The following GALNT2 variants were observed in gnomAD, a reference collection of about 807,000 sequenced individuals.
GALNT2 encodes the protein polypeptide N-acetylgalactosaminyltransferase 2.
In GALNT2, 31 loss-of-function variants were observed where a neutral mutation model predicts 81.4. That is an observed-to-expected ratio of 0.38 (90% confidence interval 0.29 to 0.51). The LOEUF (loss-of-function observed/expected upper bound fraction) is 0.51, where lower values mean the gene tolerates loss of function less well. GALNT2 is among the 20% of genes least tolerant of loss of function. GALNT2 has a pLI of 0.87. For missense variants in GALNT2, 629 were observed against 765.7 expected (o/e 0.82, Z 2.11); for synonymous variants, 303 against 287.4 (o/e 1.05, Z -0.55).
chr1:230,196,323 T>A (rs1264560813), intron 2 of GALNT2, among the ~76,000 whole-genome samples: 1 of 152,198 alleles, frequency 6.6e-6, no homozygotes, highest in East Asian at 1.9e-4. Flanking sequence ...TTGGCTTGGT[T>A]ATGGAGCTAT....
intron 2 of GALNT2, among the ~76,000 whole-genome samples, chr1:230,186,308 G>C (rs1389644723): frequency 2.0e-5 from 3 of 152,152 alleles, no homozygotes; most frequent in African/African-American, 7.2e-5. Context: ...ATGCAGGTAT[G>C]TCACTGTCTC....
At chr1:230,185,299 TGTGCGCGC>T (rs1663296031) in intron 2 of GALNT2, among the ~76,000 whole-genome samples, 2 of 116,450 alleles carry the variant, frequency 1.7e-5, no homozygotes, top group East Asian at 2.2e-4. Context: ...TGTGTGTGTG[TGTGCGCGC>T]GTGTGTGTGT....
chr1:230,146,369 G>GT (rs1386598164), intron 1 of GALNT2, among the ~76,000 whole-genome samples: 2 of 152,114 alleles, frequency 1.3e-5, no homozygotes, highest in Non-Finnish European at 2.9e-5. Context: ...TTTCAGTTTT[G>GT]TTTTTTTGTT....
At chr1:230,112,033 G>C (rs1660719504) in intron 1 of GALNT2, among the ~76,000 whole-genome samples, 1 of 152,192 alleles carries the variant, frequency 6.6e-6, no homozygotes, top group Non-Finnish European at 1.5e-5. Context: ...GACATGGTGG[G>C]GAGGTGTCTC....
chr1:230,065,309 G>C (rs568671085), upstream of GALNT2, among the ~76,000 whole-genome samples: 1 of 152,074 alleles, frequency 6.6e-6, no homozygotes, highest in African/African-American at 2.4e-5. Context: ...CTTTGTTTCT[G>C]GGATAGTTTT....
chr1:230,062,414 T>A (rs916597296), upstream of GALNT2, among the ~76,000 whole-genome samples: 2 of 152,218 alleles, frequency 1.3e-5, no homozygotes, highest in Non-Finnish European at 1.5e-5. Context: ...ATTTTAAGTG[T>A]ATAATTCTGT....
chr1:230,242,185 T>C (rs1665223204), intron 6 of GALNT2, among the ~76,000 whole-genome samples: 1 of 152,210 alleles, frequency 6.6e-6, no homozygotes. Flanking sequence ...TATTTTCTTA[T>C]TTTAAGGGGT....
intron 1 of GALNT2, among the ~76,000 whole-genome samples, chr1:230,084,677 A>G (rs1332156736): frequency 6.6e-6 from 1 of 152,088 alleles, no homozygotes; most frequent in Admixed American, 6.5e-5. Context: ...GGTTCAAGGC[A>G]TCCCTGGCCC....
chr1:230,148,921 C>T (rs573991538), intron 1 of GALNT2, among the ~76,000 whole-genome samples: 8 of 151,862 alleles, frequency 5.3e-5, no homozygotes, highest in South Asian at 4.2e-4. Context: ...AACAGGGCCT[C>T]GCCCTGTCAC....
chr1:230,189,027 CA>C lies in GALNT2; in HGVS notation c.220+10717del, dbSNP rs201966565. Among the ~76,000 whole-genome samples the C allele has an allele frequency of 4.4e-3, 663 of 152,188 alleles. 14 individuals are homozygous for C. The highest frequency in any genetic ancestry group is 0.038 in the Admixed American group (575 of 15,288). On this transcript the variant is annotated intron_variant, in intron 2 of 15. Transcript: ENST00000366672. ...TAGAGGAGTGGGGCCGGAAGAGGAG[CA>C]GGGGCAGCTGTAGGGGCTAGAAGGC... is the stretch of plus-strand genomic sequence containing the variant.
intron 14 of GALNT2, among the ~76,000 whole-genome samples, chr1:230,269,135 ATTTTTTTTTTCTT>A (rs997887180): frequency 7.9e-6 from 1 of 125,986 alleles, no homozygotes; most frequent in Non-Finnish European, 1.7e-5. Context: ...GCTCAGAGAA[ATTTTTTTTTTCTT>A]TTTTTTTTTT....
intron 1 of GALNT2, among the ~76,000 whole-genome samples, chr1:230,151,224 G>A (rs184665865): frequency 1.0e-3 from 155 of 152,242 alleles, no homozygotes; most frequent in African/African-American, 3.5e-3. Flanking sequence ...CTGGACCTCC[G>A]GGATGTCCTC....
At position 230,221,545 on chromosome 1, in the gene GALNT2, G is replaced by A. The variant is rs150355660; in HGVS notation, c.375-14469G>A. Among the ~76,000 whole-genome samples the A allele has an allele frequency of 1.2e-4, 18 of 152,092 alleles. No individual in the cohort carries two copies. In the East Asian group the frequency reaches 1.9e-3, roughly 16 times the overall value. The stretch of plus-strand genomic sequence containing the variant: ...CTGCCTTCTTTTCCTCCTCTCTCCC[G>A]TCTTCCTTCCTTCATCTAGCTTTGG... On this transcript the variant is annotated intron_variant, in intron 3 of 15. Transcript: ENST00000366672.
rs527969137 is a variant in GALNT2 at position 230,093,023 on chromosome 1, T to C, written c.126+25617T>C. On this transcript the variant is annotated intron_variant, in intron 1 of 15. Transcript: ENST00000366672. ...CTGCGTGGCAGGTATGTTACCCCCA[T>C]CTATAGGTCAAGAACCTGAAACCCA... 2.6e-5 allele frequency among the ~76,000 whole-genome samples: 4 copies of C among 152,246 alleles called. No homozygotes were observed. The South Asian group carries it at 8.3e-4, about 32-fold the overall frequency.
chr1:230,247,947 G>C (rs1665425044), intron 8 of GALNT2, among the ~76,000 whole-genome samples: 1 of 152,190 alleles, frequency 6.6e-6, no homozygotes, highest in Non-Finnish European at 1.5e-5. Context: ...AAACAGCCAG[G>C]ACATTGTTTT....
chr1:230,083,994 G>A (rs761654918), intron 1 of GALNT2, among the ~76,000 whole-genome samples: 9 of 152,218 alleles, frequency 5.9e-5, no homozygotes, highest in Non-Finnish European at 1.2e-4. Flanking sequence ...GGATGTTGGC[G>A]TACATGCCTG....
At chr1:230,060,752 CAA>C (rs761498367) in intron 1 of GALNT2, among the ~76,000 whole-genome samples, 20 of 152,178 alleles carry the variant, frequency 1.3e-4, no homozygotes, top group Non-Finnish European at 1.5e-4. Flanking sequence ...GCATTCTACT[CAA>C]AGAGTTCTCC....
chr1:230,094,298 A>G (rs1381260805), intron 1 of GALNT2, among the ~76,000 whole-genome samples: 1 of 148,086 alleles, frequency 6.8e-6, no homozygotes, highest in Non-Finnish European at 1.5e-5. Flanking sequence ...GGCATGAGCC[A>G]CCATGCCTGG....
At chr1:230,148,309 G>A (rs1363166506) in intron 1 of GALNT2, among the ~76,000 whole-genome samples, 1 of 152,250 alleles carries the variant, frequency 6.6e-6, no homozygotes, top group Non-Finnish European at 1.5e-5. Context: ...GCTGAAGCCA[G>A]AAACCTGATA....
Sources: gnomAD v4.1 joint callset for allele counts (sites outside exome capture counted in the v4.1 genomes callset) on GRCh38, gnomAD v4.1.1 for gene constraint, MANE v1.5 for transcripts, NCBI Gene and HGNC (gene_info 2026-07-23, HGNC 2026-07-21) for gene names.